The following PTPRQ variants were observed in gnomAD, a reference collection of about 807,000 sequenced individuals.
The protein encoded by PTPRQ is protein tyrosine phosphatase receptor type Q, also known as phosphatidylinositol phosphatase PTPRQ.
Under a neutral mutation model 246.0 loss-of-function variants are expected in PTPRQ, and 199 were observed. The ratio of observed to expected loss-of-function variants is 0.81; its 90% CI spans 0.72 to 0.91. The LOEUF (loss-of-function observed/expected upper bound fraction) is 0.91, where lower values mean the gene tolerates loss of function less well. Ranked by LOEUF, PTPRQ falls within the 40% of genes least tolerant of loss-of-function variation. The pLI, the probability that PTPRQ is intolerant of heterozygous loss-of-function variation, is 0.00. For missense variants in PTPRQ, 2,624 were observed against 2,528.4 expected (o/e 1.04, Z -0.81); for synonymous variants, 869 against 853.2 (o/e 1.02, Z -0.32).
chr12:80,633,885 T>C (rs982294094), intron 34 of PTPRQ, among the ~76,000 whole-genome samples: 8 of 152,328 alleles, frequency 5.3e-5, no homozygotes, highest in Non-Finnish European at 2.9e-5. Flanking sequence ...CTTGTGTGAG[T>C]AGGAAATGGT....
chr12:80,515,482 G>A (rs886926971), intron 17 of PTPRQ, among the ~76,000 whole-genome samples: 11 of 151,172 alleles, frequency 7.3e-5, no homozygotes, highest in South Asian at 6.3e-4. Context: ...GAGCAATGGC[G>A]CCATCTTGGC....
At chr12:80,576,041 C>T (rs1469746175) in intron 25 of PTPRQ, among the ~76,000 whole-genome samples, 1 of 152,002 alleles carries the variant, frequency 6.6e-6, no homozygotes, top group Non-Finnish European at 1.5e-5. Flanking sequence ...TGAACAATCC[C>T]AATTCTTTCT....
chr12:80,480,232 C>T (rs529721364), intron 8 of PTPRQ, among the ~76,000 whole-genome samples: 1 of 152,290 alleles, frequency 6.6e-6, no homozygotes, highest in African/African-American at 2.4e-5. Context: ...CTCAAAACTG[C>T]TCAACTTCAT....
intron 19 of PTPRQ, among the ~76,000 whole-genome samples, chr12:80,535,734 G>A (rs968966037): frequency 5.9e-5 from 9 of 152,144 alleles, no homozygotes; most frequent in Non-Finnish European, 1.0e-4. Flanking sequence ...CAAATTAGAT[G>A]TTTCACAGAA....
intron 14 of PTPRQ, among the ~76,000 whole-genome samples, chr12:80,505,467 A>T (rs2120693878): frequency 6.6e-6 from 1 of 152,006 alleles, no homozygotes; most frequent in African/African-American, 2.4e-5. Flanking sequence ...TACATAGAAA[A>T]CCATTTTATG....
chr12:80,458,529 C>T (rs1893047433), intron 4 of PTPRQ, among the ~76,000 whole-genome samples: 1 of 149,340 alleles, frequency 6.7e-6, no homozygotes, highest in African/African-American at 2.5e-5. Context: ...GGCATCTTTA[C>T]TATCACTTAT....
chr12:80,463,336 G>C (rs1195084992), intron 6 of PTPRQ, among the ~76,000 whole-genome samples: 1 of 152,094 alleles, frequency 6.6e-6, no homozygotes, highest in Non-Finnish European at 1.5e-5. Context: ...AAAAAGAAAT[G>C]AACAAACCCT....
chr12:80,621,425 G>A (rs932437300), intron 32 of PTPRQ, among the ~76,000 whole-genome samples: 5 of 151,834 alleles, frequency 3.3e-5, no homozygotes, highest in East Asian at 3.9e-4. Flanking sequence ...TTGGTTTTAT[G>A]TTTTTAAATG....
chr12:80,450,966 C>T (rs1167865206), intron 3 of PTPRQ, among the ~76,000 whole-genome samples: 1 of 152,224 alleles, frequency 6.6e-6, no homozygotes, highest in East Asian at 1.9e-4. Flanking sequence ...CCAGTTCCTC[C>T]TTGTACCTCT....
In PTPRQ at chr12:80,669,133, A is replaced by G; in HGVS notation, c.6319A>G (p.Lys2107Glu). Residue 2107 changes from lysine to glutamate, a missense_variant, in exon 40 of 45, where the codon AAA (lysine) becomes GAA (glutamate). By Grantham distance (56) the Lys-to-Glu change is moderately conservative. Transcript: ENST00000644991. Reference protein sequence around the residue: ...TLVMLTQCFEKGRIRCHQYWP... With the variant: ...TLVMLTQCFEEGRIRCHQYWP... Reference sequence around the variant, plus strand: ...AGTAATGCTAACACAGTGTTTTGAAAAAGGACGGGTAAGTTATTTGAAAAT... The same window carrying G: ...AGTAATGCTAACACAGTGTTTTGAAGAAGGACGGGTAAGTTATTTGAAAAT... 4 of 1,546,274 alleles carry G rather than the reference A, an allele frequency of 2.6e-6. No homozygotes were observed. Among genetic ancestry groups the G allele is most frequent in the Non-Finnish European group, 3.5e-6 (4 of 1,144,702 alleles).
chr12:80,520,588 C>T (rs10862160), intron 17 of PTPRQ, among the ~76,000 whole-genome samples: 77,982 of 146,980 alleles, frequency 0.53, 23,178 homozygotes, highest in Non-Finnish European at 0.67. Context: ...TCAATTCCCA[C>T]CTATGAGTGA....
chr12:80,639,286 C>A (rs941951526), intron 35 of PTPRQ, among the ~76,000 whole-genome samples: 2 of 152,266 alleles, frequency 1.3e-5, no homozygotes. Context: ...ATTTAAGTCA[C>A]GGAAGTTTTG....
chr12:80,632,157 T>C (rs1486541506), intron 33 of PTPRQ, 35 bp from the exon 34 acceptor site: 1 of 1,533,362 alleles, frequency 6.5e-7, no homozygotes, highest in African/African-American at 1.4e-5. Flanking sequence ...GATTCCATAA[T>C]AATATTTAAT....
intron 17 of PTPRQ, among the ~76,000 whole-genome samples, chr12:80,512,429 T>C (rs924859543): frequency 6.6e-6 from 1 of 152,202 alleles, no homozygotes; most frequent in Non-Finnish European, 1.5e-5. Flanking sequence ...TCCATGTCAA[T>C]GGGAGCCTCC....
intron 8 of PTPRQ, among the ~76,000 whole-genome samples, chr12:80,483,548 T>A (rs1187294534): frequency 6.6e-6 from 1 of 152,018 alleles, no homozygotes; most frequent in African/African-American, 2.4e-5. Context: ...AAAAAGAAAT[T>A]TAGTATTAAA....
chr12:80,453,626 G>T (rs1237323897), intron 3 of PTPRQ, among the ~76,000 whole-genome samples: 1 of 118,996 alleles, frequency 8.4e-6, no homozygotes, highest in African/African-American at 3.3e-5. Context: ...TTTGCTAGAG[G>T]TCTACTCCAG....
intron 3 of PTPRQ, chr12:80,454,578 C>T (rs765169241): frequency 4.0e-5 from 28 of 701,928 alleles, no homozygotes; most frequent in African/African-American, 2.3e-4. Context: ...AACTTTTCTC[C>T]GTTTAGGATT....
At chr12:80,625,486 C>T (rs932372258) in intron 33 of PTPRQ, among the ~76,000 whole-genome samples, 23 of 152,174 alleles carry the variant, frequency 1.5e-4, no homozygotes, top group Admixed American at 1.4e-3. Flanking sequence ...TTTTGCACGA[C>T]TCTGTTTCCA....
At chr12:80,586,173 T>G (rs1897610789) in intron 25 of PTPRQ, among the ~76,000 whole-genome samples, 1 of 151,884 alleles carries the variant, frequency 6.6e-6, no homozygotes. Context: ...TTTGCTATCG[T>G]GAATAATGCC....
Sources: allele counts gnomAD v4.1 joint callset (sites outside exome capture counted in the v4.1 genomes callset), GRCh38; gene constraint gnomAD v4.1.1; transcripts MANE v1.5; gene names NCBI Gene and HGNC (gene_info 2026-07-23, HGNC 2026-07-21).